KLHL20: variants seen among roughly 807,000 people sequenced by gnomAD.
The protein encoded by KLHL20 is kelch like family member 20, also known as kelch-like protein 20.
KLHL20 carries 29 observed loss-of-function variants against 69.5 expected under a neutral mutation model. That is an observed-to-expected ratio of 0.42 (90% CI 0.31 to 0.57). The LOEUF (loss-of-function observed/expected upper bound fraction) is 0.57. Ranked by LOEUF, KLHL20 falls within the 20% of genes least tolerant of loss-of-function variation. KLHL20 has a pLI of 0.18. For missense variants in KLHL20, 419 were observed against 776.0 expected (o/e 0.54, Z 5.47); for synonymous variants, 253 against 265.2 (o/e 0.95, Z 0.45).
chr1:173,765,942 G>T (rs1254634218), intron 7 of KLHL20, among the ~76,000 whole-genome samples: 5 of 151,864 alleles, frequency 3.3e-5, no homozygotes, highest in Non-Finnish European at 7.4e-5. Context: ...ATAATATTCT[G>T]ATTTTTTTAA....
At chr1:173,764,686 A>G (rs1473270835) in intron 7 of KLHL20, among the ~76,000 whole-genome samples, 1 of 152,130 alleles carries the variant, frequency 6.6e-6, no homozygotes, top group Non-Finnish European at 1.5e-5. Context: ...TGAGGACTCA[A>G]AGGCATAAGA....
chr1:173,763,183 A>T (rs534710178), intron 7 of KLHL20, among the ~76,000 whole-genome samples: 6 of 151,882 alleles, frequency 4.0e-5, no homozygotes, highest in Non-Finnish European at 8.8e-5. Flanking sequence ...GAGTCAAAAG[A>T]CCTCAAGACC....
intron 2 of KLHL20, among the ~76,000 whole-genome samples, chr1:173,725,358 T>C (rs1671906097): frequency 6.6e-6 from 1 of 152,204 alleles, no homozygotes; most frequent in Non-Finnish European, 1.5e-5. Context: ...GTAACCAAAC[T>C]AGTTTCTTCA....
chr1:173,761,682 A>G (rs911779212), intron 7 of KLHL20, among the ~76,000 whole-genome samples: 3 of 152,228 alleles, frequency 2.0e-5, no homozygotes, highest in Non-Finnish European at 4.4e-5. Context: ...AAATTCTTCA[A>G]ACTTAATGAC....
chr1:173,716,877 A>G (rs1671487951), intron 2 of KLHL20, among the ~76,000 whole-genome samples: 1 of 152,188 alleles, frequency 6.6e-6, no homozygotes, highest in African/African-American at 2.4e-5. Context: ...CAGAATGTAT[A>G]TCTTTATCCA....
At chr1:173,735,671 A>G (rs1239385005) in intron 3 of KLHL20, among the ~76,000 whole-genome samples, 3 of 152,028 alleles carry the variant, frequency 2.0e-5, no homozygotes, top group African/African-American at 7.2e-5. Context: ...TTCTTCATTG[A>G]TGATTTCTGA....
At chr1:173,721,714 G>A (rs567825382) in intron 2 of KLHL20, among the ~76,000 whole-genome samples, 79 of 152,280 alleles carry the variant, frequency 5.2e-4, no homozygotes, top group African/African-American at 1.8e-3. Flanking sequence ...CAAATAAAGA[G>A]GTTAATAGCT....
intron 3 of KLHL20, among the ~76,000 whole-genome samples, chr1:173,735,056 G>A (rs2102473752): frequency 6.6e-6 from 1 of 152,316 alleles, no homozygotes; most frequent in Admixed American, 6.5e-5. Context: ...AAAAAACCCA[G>A]TGAGACCCAG....
intron 2 of KLHL20, among the ~76,000 whole-genome samples, chr1:173,725,504 CACATACAT>C (rs1671912674): frequency 6.6e-6 from 1 of 152,184 alleles, no homozygotes; most frequent in Non-Finnish European, 1.5e-5. Context: ...AACTTATAGA[CACATACAT>C]ATATACTGTG....
At chr1:173,726,151 A>T (rs888215287) in intron 2 of KLHL20, among the ~76,000 whole-genome samples, 6 of 152,154 alleles carry the variant, frequency 3.9e-5, no homozygotes, top group Non-Finnish European at 8.8e-5. Flanking sequence ...ACTCATTGCT[A>T]GCACAGCAGT....
At chr1:173,773,536 A>T (rs1648245361) in intron 8 of KLHL20, among the ~76,000 whole-genome samples, 1 of 151,988 alleles carries the variant, frequency 6.6e-6, no homozygotes, top group Non-Finnish European at 1.5e-5. Context: ...TATAATAAAA[A>T]GGTTGTCTCA....
At chr1:173,718,661 G>A (rs1380755882) in intron 2 of KLHL20, among the ~76,000 whole-genome samples, 2 of 152,052 alleles carry the variant, frequency 1.3e-5, no homozygotes, top group African/African-American at 2.4e-5. Context: ...CCAGGAGTTC[G>A]AGGCTGTGGT....
At chr1:173,730,458 G>A (rs532285572) in intron 2 of KLHL20, among the ~76,000 whole-genome samples, 209 of 152,100 alleles carry the variant, frequency 1.4e-3, no homozygotes, top group Non-Finnish European at 2.6e-3. Flanking sequence ...CATGCTACCT[G>A]ACTTCAAACT....
chr1:173,747,535 TATG>T (rs1673118261), intron 3 of KLHL20, among the ~76,000 whole-genome samples: 1 of 152,062 alleles, frequency 6.6e-6, no homozygotes, highest in Non-Finnish European at 1.5e-5. Context: ...CTGTTCAAAA[TATG>T]ATGTTTTAAG....
At chr1:173,721,983 A>G (rs1188049729) in intron 2 of KLHL20, among the ~76,000 whole-genome samples, 2 of 152,244 alleles carry the variant, frequency 1.3e-5, no homozygotes, top group Non-Finnish European at 2.9e-5. Flanking sequence ...TAGATAGCGT[A>G]TTAGTCCATT....
intron 10 of KLHL20, among the ~76,000 whole-genome samples, chr1:173,778,223 C>T (rs544198644): frequency 1.1e-3 from 165 of 152,072 alleles, no homozygotes; most frequent in Admixed American, 3.6e-3. Context: ...ACTCCCTCAG[C>T]CCCCCACCCC....
intron 8 of KLHL20, among the ~76,000 whole-genome samples, chr1:173,768,987 G>A (rs926279875): frequency 5.3e-5 from 8 of 152,168 alleles, no homozygotes; most frequent in Admixed American, 3.3e-4. Context: ...GAAAGCACAA[G>A]GGGAAAATTT....
chr1:173,742,388 A>G (rs536281092), intron 3 of KLHL20, among the ~76,000 whole-genome samples: 3 of 152,104 alleles, frequency 2.0e-5, no homozygotes, highest in Non-Finnish European at 4.4e-5. Context: ...TGTACTGGAG[A>G]ATGGAACAGT....
intron 2 of KLHL20, among the ~76,000 whole-genome samples, chr1:173,727,803 A>T (rs1479910689): frequency 6.6e-6 from 1 of 152,212 alleles, no homozygotes; most frequent in East Asian, 1.9e-4. Flanking sequence ...AACATGCCAA[A>T]TTGTAAATAC....
Sources: gnomAD v4.1 joint callset for allele counts (sites outside exome capture counted in the v4.1 genomes callset) on GRCh38, gnomAD v4.1.1 for gene constraint, MANE v1.5 for transcripts, NCBI Gene and HGNC (gene_info 2026-07-23, HGNC 2026-07-21) for gene names.